The following MICAL3 variants were observed in gnomAD, a reference collection of about 807,000 sequenced individuals.
MICAL3 encodes the protein microtubule associated monooxygenase, calponin and LIM domain containing 3, also known as [F-actin]-monooxygenase MICAL3.
MICAL3 carries 62 observed loss-of-function variants against 207.4 expected under a neutral mutation model. That is an observed-to-expected ratio of 0.30 (90% CI 0.24 to 0.37). The LOEUF (loss-of-function observed/expected upper bound fraction) is 0.37, where lower values mean the gene tolerates loss of function less well. MICAL3 is among the 10% of genes least tolerant of loss of function. The probability of loss-of-function intolerance (pLI) is 1.00; values close to 1 mark genes in which losing one functional copy is unlikely to be tolerated. For missense variants in MICAL3, 2,368 were observed against 2,635.6 expected, an observed-to-expected ratio of 0.90 and a Z score of 2.22; for synonymous variants, 1,077 against 1,069.3, an observed-to-expected ratio of 1.01 and a Z score of -0.14.
At chr22:17,862,992 C>T in intron 19 of MICAL3, 4 of 985,462 alleles carry the variant, frequency 4.1e-6, no homozygotes, top group Non-Finnish European at 4.8e-6. Context: ...GTCCTCAGGG[C>T]TCTGACTCTT....
chr22:17,896,156 AGAAG>A, intron 9 of MICAL3, 86 bp downstream of exon 9: 2 of 658,802 alleles, frequency 3.0e-6, no homozygotes, highest in Non-Finnish European at 5.4e-6. Context: ...CAGAGAAAGA[AGAAG>A]GAAGAACTTG....
intron 1 of MICAL3, among the ~76,000 whole-genome samples, chr22:17,972,771 A>G (rs897236271): frequency 1.6e-4 from 24 of 152,328 alleles, no homozygotes; most frequent in African/African-American, 5.8e-4. Flanking sequence ...GAAAGGGAGG[A>G]AAAATAATCC....
At chr22:17,862,920 G>C in intron 19 of MICAL3, 1 of 985,356 alleles carries the variant, frequency 1.0e-6, no homozygotes, top group Middle Eastern at 5.2e-4. Flanking sequence ...ACCACATTTT[G>C]AACTCCCGTG....
At chr22:17,821,560 A>C in intron 24 of MICAL3, 51 bp from the exon 25 acceptor site, 3 of 1,447,822 alleles carry the variant, frequency 2.1e-6, no homozygotes, top group Non-Finnish European at 2.8e-6. Flanking sequence ...CCCATGTGCC[A>C]GGAAGGCACC....
At chr22:18,005,722 G>A (rs1923346042) in intron 1 of MICAL3, 1 of 152,200 alleles carries the variant, frequency 6.6e-6, no homozygotes, top group Admixed American at 6.6e-5. Flanking sequence ...CGTACCGCTG[G>A]AGTGCTGGTG....
chr22:17,916,769 C>T (rs1016265813), intron 1 of MICAL3, among the ~76,000 whole-genome samples: 1 of 152,108 alleles, frequency 6.6e-6, no homozygotes, highest in African/African-American at 2.4e-5. Flanking sequence ...GGTCCCAGAC[C>T]CATCCCAAGC....
At chr22:17,864,307 T>G in intron 19 of MICAL3, 2 of 1,105,936 alleles carry the variant, frequency 1.8e-6, no homozygotes, top group East Asian at 5.7e-5. Context: ...GGCCAAGGGG[T>G]CAGGACAGGG....
intron 1 of MICAL3, among the ~76,000 whole-genome samples, chr22:17,993,653 G>A: frequency 6.6e-6 from 1 of 151,742 alleles, no homozygotes; most frequent in Non-Finnish European, 1.5e-5. Flanking sequence ...AAGCCCCCCT[G>A]CGCCCACACT....
chr22:18,000,643 T>C (rs1482957700), intron 1 of MICAL3, among the ~76,000 whole-genome samples: 1 of 152,206 alleles, frequency 6.6e-6, no homozygotes, highest in African/African-American at 2.4e-5. Context: ...GCTGGGAATT[T>C]CCCATGTGCC....
intron 1 of MICAL3, among the ~76,000 whole-genome samples, chr22:17,991,243 G>C (rs540838023): frequency 2.0e-5 from 3 of 152,190 alleles, no homozygotes; most frequent in Non-Finnish European, 4.4e-5. Context: ...CTCTGAGCCT[G>C]CGTGTGTGTA....
chr22:17,841,545 C>A lies in MICAL3; in HGVS notation c.2801+277G>T, dbSNP rs903178019. ...ATCTGTGAATAACCCGGGGGCAGAG[C>A]CTGCCACTTTCCTTCCCAATGACAG... On this transcript the variant is annotated intron_variant, in intron 20 of 31. Coordinates refer to ENST00000441493, the MANE Select transcript of MICAL3 (RefSeq NM_015241.3). The surrounding 1 kb of genome is among the most constrained non-coding windows in gnomAD (Gnocchi z 4.2). 1.9e-5 allele frequency: 11 copies of A among 565,630 alleles called. No individual in the cohort carries two copies. Among genetic ancestry groups the A allele is most frequent in the Middle Eastern group, 4.6e-4 (1 of 2,168 alleles). The allele number at this position is 565,630 out of a possible 1,614,324, so 35.0% of individuals were successfully genotyped here.
At chr22:17,983,288 C>G (rs1278137875) in intron 1 of MICAL3, 1 of 152,304 alleles carries the variant, frequency 6.6e-6, no homozygotes, top group African/African-American at 2.4e-5. Context: ...CTGCACCCCC[C>G]TAGGCTGGCT....
intron 1 of MICAL3, among the ~76,000 whole-genome samples, chr22:18,023,580 T>G (rs527805804): frequency 6.6e-6 from 1 of 152,264 alleles, no homozygotes; most frequent in African/African-American, 2.4e-5. Flanking sequence ...CATAACCATT[T>G]GATTCTAAGA....
At chr22:17,844,260 T>C (rs1005916861) in intron 19 of MICAL3, among the ~76,000 whole-genome samples, 2 of 152,044 alleles carry the variant, frequency 1.3e-5, no homozygotes, top group Non-Finnish European at 2.9e-5. Flanking sequence ...CATTCTAAGC[T>C]CTAGGAGACA....
At chr22:17,843,936 T>C (rs1339311515) in intron 19 of MICAL3, among the ~76,000 whole-genome samples, 1 of 151,910 alleles carries the variant, frequency 6.6e-6, no homozygotes, top group Non-Finnish European at 1.5e-5. Flanking sequence ...AACCTCCGCC[T>C]CCCAGGTTCA....
At chr22:17,848,465 A>C (rs1924875118) in intron 19 of MICAL3, among the ~76,000 whole-genome samples, 1 of 152,218 alleles carries the variant, frequency 6.6e-6, no homozygotes, top group Admixed American at 6.5e-5. Flanking sequence ...TATGGAATGT[A>C]TGAAGCTGCA....
At chr22:18,014,936 G>A (rs1224894243) in intron 1 of MICAL3, among the ~76,000 whole-genome samples, 6 of 151,424 alleles carry the variant, frequency 4.0e-5, no homozygotes, top group Non-Finnish European at 5.9e-5. Flanking sequence ...GCAGTGAGCC[G>A]ACATTGCGCT....
chr22:17,943,689 A>G (rs1933916801), intron 1 of MICAL3, among the ~76,000 whole-genome samples: 1 of 152,228 alleles, frequency 6.6e-6, no homozygotes, highest in African/African-American at 2.4e-5. Context: ...AACTGGAGGA[A>G]ACAAAAGAGC....
intron 1 of MICAL3, among the ~76,000 whole-genome samples, chr22:18,010,529 G>A (rs1160789486): frequency 6.6e-6 from 1 of 152,116 alleles, no homozygotes; most frequent in Non-Finnish European, 1.5e-5. Flanking sequence ...AAGAGAGCAG[G>A]GAACGTTCTA....
Sources: gnomAD v4.1 joint callset for allele counts (sites outside exome capture counted in the v4.1 genomes callset) on GRCh38, gnomAD v4.1.1 for gene constraint, Gnocchi (gnomAD v3.1) non-coding constraint, MANE v1.5 for transcripts, NCBI Gene and HGNC (gene_info 2026-07-23, HGNC 2026-07-21) for gene names.